The following RNGTT variants were observed in gnomAD, a reference collection of about 807,000 sequenced individuals.
RNGTT encodes mRNA-capping enzyme.
A neutral mutation model predicts 79.3 loss-of-function variants in RNGTT; 33 were observed. That is an observed-to-expected ratio of 0.42 (90% CI 0.32 to 0.56). The LOEUF is 0.56. Among genes scored for constraint, RNGTT ranks in the 20% least tolerant of loss-of-function variants. The pLI is 0.17. For missense variants in RNGTT, 497 were observed against 739.1 expected (o/e 0.67, Z 3.80); for synonymous variants, 222 against 235.9 (o/e 0.94, Z 0.54).
chr6:88,856,765 A>G (rs544164669), intron 8 of RNGTT, among the ~76,000 whole-genome samples: 4 of 152,294 alleles, frequency 2.6e-5, no homozygotes, highest in African/African-American at 7.2e-5. Context: ...GAGCTATTTC[A>G]TGTAAGGAAT....
At chr6:88,946,685 C>G (rs1345146167) in intron 1 of RNGTT, among the ~76,000 whole-genome samples, 1 of 151,888 alleles carries the variant, frequency 6.6e-6, no homozygotes, top group Admixed American at 6.6e-5. Flanking sequence ...CCTCTCCCCA[C>G]GGTCTCCCTC....
chr6:88,898,661 G>C (rs576426857), intron 6 of RNGTT, among the ~76,000 whole-genome samples: 1 of 146,698 alleles, frequency 6.8e-6, no homozygotes, highest in Non-Finnish European at 1.5e-5. Context: ...TATATATACT[G>C]TGTGTGTGTG....
intron 11 of RNGTT, among the ~76,000 whole-genome samples, chr6:88,833,562 A>T (rs1190309188): frequency 6.6e-6 from 1 of 152,238 alleles, no homozygotes. Context: ...CATGTATCCC[A>T]GAACTTAAAG....
rs1772140341 is a variant in RNGTT at position 88,614,309 on chromosome 6, T to C, written c.1593A>G (p.Thr531=). The C allele has an allele frequency of 6.2e-7, 1 of 1,613,858 alleles. No homozygotes were observed. The highest frequency in any genetic ancestry group is 1.1e-5 in the South Asian group (1 of 91,068). Residue 531 remains threonine (T), a synonymous_variant, in exon 15 of 16, where the codon ACA becomes ACG. Coordinates refer to ENST00000369485, the MANE Select transcript of RNGTT (RefSeq NM_003800.5). ...TGTAGGCATTAGGAAAACTTTTGTC[T>C]GTTCTCTGTCTCATGAAGACCCAGC... ...NNSWVFMRQR[T]DKSFPNAYNT...
chr6:88,720,392 A>G (rs1411458648), intron 13 of RNGTT, among the ~76,000 whole-genome samples: 2 of 152,002 alleles, frequency 1.3e-5, no homozygotes, highest in Admixed American at 1.3e-4. Flanking sequence ...CAATCCCTTT[A>G]CCCTCACCTA....
intron 12 of RNGTT, among the ~76,000 whole-genome samples, chr6:88,779,580 G>C: frequency 6.6e-6 from 1 of 152,008 alleles, no homozygotes; most frequent in East Asian, 1.9e-4. Flanking sequence ...CAATAATTCA[G>C]AAACTTAAGT....
chr6:88,873,832 A>G (rs1782430081), intron 8 of RNGTT, among the ~76,000 whole-genome samples: 1 of 152,208 alleles, frequency 6.6e-6, no homozygotes, highest in Non-Finnish European at 1.5e-5. Context: ...CCAAGTTAGA[A>G]AAAGTTTCAA....
At position 88,645,875 on chromosome 6, in the gene RNGTT, C is replaced by T. The variant is rs187013697; in HGVS notation, c.1507-31480G>A. On this transcript the variant is annotated intron_variant, in intron 14 of 15. Transcript: ENST00000369485. ...AGTCAAGATGGATTAAAGACTTAAA[C>T]GTTAGACCTAAAACCATAAAAACCC... Among the ~76,000 whole-genome samples, 65 of 152,286 alleles carry T rather than the reference C, an allele frequency of 4.3e-4. No individual in the cohort carries two copies. In the East Asian group the frequency reaches 0.01, roughly 24 times the overall value.
chr6:88,737,380 G>A (rs2127822999), intron 13 of RNGTT, among the ~76,000 whole-genome samples: 1 of 152,196 alleles, frequency 6.6e-6, no homozygotes, highest in East Asian at 1.9e-4. Flanking sequence ...ATATTTAGAT[G>A]AGACTTTGAA....
At chr6:88,659,470 G>T (rs1160861515) in intron 14 of RNGTT, among the ~76,000 whole-genome samples, 1 of 152,132 alleles carries the variant, frequency 6.6e-6, no homozygotes, top group Non-Finnish European at 1.5e-5. Flanking sequence ...ACTTCTGGAA[G>T]TAAAAGACAC....
intron 14 of RNGTT, among the ~76,000 whole-genome samples, chr6:88,628,515 C>G (rs1161412469): frequency 2.0e-5 from 3 of 152,034 alleles, no homozygotes; most frequent in African/African-American, 7.2e-5. Context: ...ACTTTGGTAA[C>G]TTGTACTCAA....
chr6:88,802,446 T>C (rs1164814172), intron 11 of RNGTT, among the ~76,000 whole-genome samples: 1 of 152,216 alleles, frequency 6.6e-6, no homozygotes, highest in Non-Finnish European at 1.5e-5. Context: ...TTCACAGATT[T>C]TTATTATTTT....
chr6:88,844,823 C>T (rs1237940255), intron 10 of RNGTT, among the ~76,000 whole-genome samples: 1 of 152,044 alleles, frequency 6.6e-6, no homozygotes, highest in East Asian at 1.9e-4. Context: ...TGTGGTGGCT[C>T]ACACCTGTAG....
chr6:88,787,229 G>A (rs1175550136), intron 12 of RNGTT, among the ~76,000 whole-genome samples: 4 of 151,944 alleles, frequency 2.6e-5, no homozygotes, highest in Non-Finnish European at 4.4e-5. Context: ...AAACACACAG[G>A]GAAACCAAAA....
chr6:88,800,475 C>G (rs1325154118), intron 12 of RNGTT, among the ~76,000 whole-genome samples: 1 of 152,072 alleles, frequency 6.6e-6, no homozygotes, highest in Non-Finnish European at 1.5e-5. Flanking sequence ...TCTGATGTCT[C>G]CATATATAAA....
intron 13 of RNGTT, among the ~76,000 whole-genome samples, chr6:88,739,572 CAT>C (rs1160733362): frequency 2.6e-5 from 4 of 151,622 alleles, no homozygotes; most frequent in African/African-American, 4.8e-5. Context: ...TATTTTCTAA[CAT>C]GTGACAAAGA....
chr6:88,824,967 T>C (rs1330765532), intron 11 of RNGTT, among the ~76,000 whole-genome samples: 1 of 151,970 alleles, frequency 6.6e-6, no homozygotes, highest in African/African-American at 2.4e-5. Flanking sequence ...GGTCTCAAAC[T>C]CCTGACCTCA....
At chr6:88,699,718 A>G (rs1775881292) in intron 13 of RNGTT, among the ~76,000 whole-genome samples, 1 of 152,158 alleles carries the variant, frequency 6.6e-6, no homozygotes, top group African/African-American at 2.4e-5. Flanking sequence ...TGCACCTACA[A>G]TGGAACATTA....
chr6:88,764,274 CTG>C (rs1375383034), intron 13 of RNGTT, among the ~76,000 whole-genome samples: 1 of 152,166 alleles, frequency 6.6e-6, no homozygotes, highest in African/African-American at 2.4e-5. Flanking sequence ...AAAATATTTG[CTG>C]TGTTTCTGTT....
Sources: allele counts gnomAD v4.1 joint callset (sites outside exome capture counted in the v4.1 genomes callset), GRCh38; gene constraint gnomAD v4.1.1; transcripts MANE v1.5; gene names NCBI Gene and HGNC (gene_info 2026-07-23, HGNC 2026-07-21).